FSTL5: variants seen among roughly 807,000 people sequenced by gnomAD.
FSTL5 encodes follistatin-related protein 5.
In FSTL5, 62 loss-of-function variants were observed where a neutral mutation model predicts 89.1. That is an observed-to-expected ratio of 0.70 (90% CI 0.57 to 0.86). FSTL5 has a LOEUF of 0.86. FSTL5 is among the 40% of genes least tolerant of loss of function. FSTL5 has a pLI of 0.00. For synonymous variants in FSTL5, 383 were observed against 346.2 expected (o/e 1.11, Z -1.18); for missense variants, 1,057 against 1,001.6 (o/e 1.06, Z -0.75).
At chr4:161,989,870 CAT>C (rs1343564682) in intron 3 of FSTL5, among the ~76,000 whole-genome samples, 3 of 152,094 alleles carry the variant, frequency 2.0e-5, no homozygotes, top group African/African-American at 7.2e-5. Context: ...AAATTGAATA[CAT>C]GTGTGTGCAT....
chr4:161,488,749 C>T (rs1729765877), intron 12 of FSTL5, among the ~76,000 whole-genome samples: 1 of 152,064 alleles, frequency 6.6e-6, no homozygotes, highest in African/African-American at 2.4e-5. Context: ...CGATGTACTA[C>T]ATTTGACAAA....
chr4:162,057,990 C>T (rs960444487), intron 2 of FSTL5, among the ~76,000 whole-genome samples: 8 of 151,870 alleles, frequency 5.3e-5, no homozygotes, highest in South Asian at 2.1e-4. Context: ...TACTGGACAA[C>T]GGCAAGATAG....
At chr4:161,696,589 T>C (rs1451224565) in intron 6 of FSTL5, among the ~76,000 whole-genome samples, 1 of 152,188 alleles carries the variant, frequency 6.6e-6, no homozygotes, top group Non-Finnish European at 1.5e-5. Flanking sequence ...GTGCATGGAA[T>C]GTGATTCCAT....
At chr4:161,879,620 A>G (rs932566478) in intron 4 of FSTL5, among the ~76,000 whole-genome samples, 2 of 152,148 alleles carry the variant, frequency 1.3e-5, no homozygotes, top group Non-Finnish European at 2.9e-5. Context: ...TTATTCTCCA[A>G]ATACATCCAA....
At chr4:161,403,596 T>C (rs1243418825) in intron 15 of FSTL5, among the ~76,000 whole-genome samples, 3 of 152,162 alleles carry the variant, frequency 2.0e-5, no homozygotes, top group African/African-American at 7.2e-5. Context: ...GGTTTTATAA[T>C]AGAAAATTGC....
chr4:161,898,057 C>T (rs13107654), intron 4 of FSTL5, among the ~76,000 whole-genome samples: 2 of 148,776 alleles, frequency 1.3e-5, no homozygotes, highest in Non-Finnish European at 3.0e-5. Context: ...GAATTGACAG[C>T]TCATTTTTTA....
intron 8 of FSTL5, among the ~76,000 whole-genome samples, chr4:161,579,736 AAAAAAAAAGAAAGAAAAAGAAAAAAAG>A (rs1733361508): frequency 9.6e-6 from 1 of 104,282 alleles, no homozygotes; most frequent in Non-Finnish European, 2.3e-5. Flanking sequence ...ACAAACAAAA[AAAAAAAAAGAAAGAAAAAGAAAAAAAG>A]AAAAAAAAAT....
chr4:161,854,930 T>C (rs896321057), intron 4 of FSTL5, among the ~76,000 whole-genome samples: 12 of 151,902 alleles, frequency 7.9e-5, no homozygotes, highest in African/African-American at 2.7e-4. Context: ...TCATAATTAG[T>C]GTGTGTACAA....
chr4:161,618,913 G>A (rs1304360858), intron 7 of FSTL5, among the ~76,000 whole-genome samples: 7 of 152,194 alleles, frequency 4.6e-5, no homozygotes. Flanking sequence ...CAAAGCTGGA[G>A]GCATCATGAT....
chr4:161,395,138 T>G (rs1450293823), intron 15 of FSTL5, among the ~76,000 whole-genome samples: 1 of 151,964 alleles, frequency 6.6e-6, no homozygotes, highest in African/African-American at 2.4e-5. Context: ...ATTTCAGAAC[T>G]AAAAATACAA....
At chr4:162,060,691 C>T (rs1738691945) in intron 2 of FSTL5, among the ~76,000 whole-genome samples, 1 of 151,370 alleles carries the variant, frequency 6.6e-6, no homozygotes, top group Non-Finnish European at 1.5e-5. Context: ...TTTATTATTT[C>T]ACTTTTATTG....
chr4:161,556,217 T>G (rs1205751364), intron 8 of FSTL5, among the ~76,000 whole-genome samples: 2 of 151,570 alleles, frequency 1.3e-5, no homozygotes, highest in African/African-American at 4.8e-5. Context: ...AATAGCCAAT[T>G]TTTGCAACTA....
intron 11 of FSTL5, among the ~76,000 whole-genome samples, chr4:161,509,648 T>A (rs1162811774): frequency 6.6e-6 from 1 of 152,108 alleles, no homozygotes; most frequent in Non-Finnish European, 1.5e-5. Flanking sequence ...AAGAGAAATT[T>A]TGTTTAAGGT....
intron 3 of FSTL5, among the ~76,000 whole-genome samples, chr4:162,033,329 C>T (rs1040011996): frequency 6.6e-6 from 1 of 152,066 alleles, no homozygotes; most frequent in South Asian, 2.1e-4. Context: ...AACACCAACT[C>T]GTAGGGACAA....
At chr4:161,462,732 A>G (rs1238020950) in intron 13 of FSTL5, among the ~76,000 whole-genome samples, 3 of 152,168 alleles carry the variant, frequency 2.0e-5, no homozygotes, top group African/African-American at 7.2e-5. Context: ...TACTACCATT[A>G]GAAACAGTAA....
At chr4:161,682,647 C>A (rs1352917257) in intron 6 of FSTL5, among the ~76,000 whole-genome samples, 12 of 152,118 alleles carry the variant, frequency 7.9e-5, no homozygotes. Context: ...ACTGGAAGGT[C>A]TTCAAGGGCA....
chr4:161,439,808 A>AT (rs1226782733), intron 15 of FSTL5, among the ~76,000 whole-genome samples: 1 of 152,246 alleles, frequency 6.6e-6, no homozygotes, highest in East Asian at 1.9e-4. Flanking sequence ...ATACTTTCAA[A>AT]TTTTTTATGC....
At chr4:161,538,082 C>T in intron 10 of FSTL5, 84 bp downstream of exon 10, 1 of 1,327,562 alleles carries the variant, frequency 7.5e-7, no homozygotes, top group South Asian at 1.4e-5. Flanking sequence ...TCACAGTTTT[C>T]TGGTGCCTTT....
intron 3 of FSTL5, among the ~76,000 whole-genome samples, chr4:161,932,953 T>C (rs1734331634): frequency 6.6e-6 from 1 of 152,134 alleles, no homozygotes; most frequent in Non-Finnish European, 1.5e-5. Flanking sequence ...CTACAAGTTA[T>C]AAAATAAAAC....
Sources: allele counts gnomAD v4.1 joint callset (sites outside exome capture counted in the v4.1 genomes callset), GRCh38; gene constraint gnomAD v4.1.1; transcripts MANE v1.5; gene names NCBI Gene and HGNC (gene_info 2026-07-23, HGNC 2026-07-21).